RPS6KC1: variants seen among roughly 807,000 people sequenced by gnomAD.
The protein encoded by RPS6KC1 is inactive ribosomal protein S6 kinase delta-1.
A neutral mutation model predicts 103.8 loss-of-function variants in RPS6KC1; 54 were observed. The observed-to-expected ratio is 0.52, with a 90% CI of 0.42 to 0.65. The LOEUF (loss-of-function observed/expected upper bound fraction) is 0.65. Among genes scored for constraint, RPS6KC1 ranks in the 30% least tolerant of loss-of-function variants. RPS6KC1 has a pLI of 0.00. For missense variants in RPS6KC1, 1,151 were observed against 1,253.8 expected (o/e 0.92, Z 1.24); for synonymous variants, 439 against 438.7 (o/e 1.00, Z -0.01).
At chr1:213,404,083 C>T in the RPS6KC1 span, among the ~76,000 whole-genome samples, 1 of 152,158 alleles carries the variant, frequency 6.6e-6, no homozygotes. Flanking sequence ...CTGGGATGAT[C>T]TCAGCTGGAG....
At chr1:213,327,324 T>TAA in the RPS6KC1 span, among the ~76,000 whole-genome samples, 86 of 151,686 alleles carry the variant, frequency 5.7e-4, no homozygotes, top group Admixed American at 1.6e-3. Context: ...CTTAATCCGT[T>TAA]AAAAAAAAGC....
At chr1:213,180,850 A>G (rs564196466) in intron 8 of RPS6KC1, among the ~76,000 whole-genome samples, 2 of 152,280 alleles carry the variant, frequency 1.3e-5, no homozygotes, top group South Asian at 4.1e-4. Flanking sequence ...AAGAGTCTAG[A>G]TTGGTAGTTT....
chr1:213,164,823 C>A (rs977181922), intron 6 of RPS6KC1, among the ~76,000 whole-genome samples: 1 of 152,186 alleles, frequency 6.6e-6, no homozygotes, highest in Admixed American at 6.5e-5. Flanking sequence ...CTCACCTTGG[C>A]CTCCCAAAGT....
At chr1:213,742,695 G>T in the RPS6KC1 span, among the ~76,000 whole-genome samples, 4 of 152,256 alleles carry the variant, frequency 2.6e-5, no homozygotes, top group Admixed American at 6.5e-5. Context: ...TCTTGCCCAT[G>T]AAGTGAACTC....
At chr1:213,726,390 A>G in the RPS6KC1 span, among the ~76,000 whole-genome samples, 3 of 152,180 alleles carry the variant, frequency 2.0e-5, no homozygotes, top group Non-Finnish European at 4.4e-5. Context: ...TTTTAAATAT[A>G]ATTTTCAAAA....
the RPS6KC1 span, among the ~76,000 whole-genome samples, chr1:213,858,389 T>C: frequency 6.6e-6 from 1 of 152,074 alleles, no homozygotes; most frequent in Admixed American, 6.5e-5. Flanking sequence ...CTAAGGACCA[T>C]GATGTGTTTT....
At chr1:213,114,085 A>G (rs1572612746) in intron 4 of RPS6KC1, among the ~76,000 whole-genome samples, 1 of 151,970 alleles carries the variant, frequency 6.6e-6, no homozygotes, top group Middle Eastern at 3.4e-3. Flanking sequence ...AGTTTTTTCC[A>G]ATTCTGTGAA....
At chr1:213,609,390 C>T in the RPS6KC1 span, among the ~76,000 whole-genome samples, 2 of 152,274 alleles carry the variant, frequency 1.3e-5, no homozygotes, top group South Asian at 2.1e-4. Context: ...TCTTTGTCCT[C>T]ACGCCCACCA....
the RPS6KC1 span, among the ~76,000 whole-genome samples, chr1:213,569,767 G>A: frequency 6.6e-5 from 10 of 152,134 alleles, no homozygotes; most frequent in South Asian, 8.3e-4. Flanking sequence ...TACCTGAATA[G>A]CATTCAGCCA....
the RPS6KC1 span, among the ~76,000 whole-genome samples, chr1:213,831,595 G>A: frequency 2.0e-5 from 3 of 152,188 alleles, no homozygotes; most frequent in Non-Finnish European, 4.4e-5. Flanking sequence ...ATAGCAGGAG[G>A]AAACTAATAT....
chr1:213,407,439 G>T, the RPS6KC1 span, among the ~76,000 whole-genome samples: 3 of 152,156 alleles, frequency 2.0e-5, no homozygotes, highest in Non-Finnish European at 4.4e-5. Flanking sequence ...AGAGTGAGCG[G>T]AAATCATCCC....
At chr1:213,209,914 C>G (rs1276302253) in intron 8 of RPS6KC1, among the ~76,000 whole-genome samples, 1 of 152,034 alleles carries the variant, frequency 6.6e-6, no homozygotes, top group Non-Finnish European at 1.5e-5. Flanking sequence ...AACCTACAGG[C>G]ATTGCCATGG....
chr1:213,111,593 C>G (rs1458796463), intron 4 of RPS6KC1, among the ~76,000 whole-genome samples: 1 of 152,094 alleles, frequency 6.6e-6, no homozygotes, highest in Non-Finnish European at 1.5e-5. Context: ...ACAAGAAGAT[C>G]TTATGTCAAC....
the RPS6KC1 span, among the ~76,000 whole-genome samples, chr1:213,510,825 A>G: frequency 3.3e-5 from 5 of 152,090 alleles, no homozygotes; most frequent in Non-Finnish European, 2.9e-5. Flanking sequence ...ATAAGCCCTT[A>G]TTTGTGTGGG....
At chr1:213,227,932 T>C (rs2093997455) in intron 8 of RPS6KC1, among the ~76,000 whole-genome samples, 1 of 152,186 alleles carries the variant, frequency 6.6e-6, no homozygotes, top group Non-Finnish European at 1.5e-5. Context: ...TGTACCTTAA[T>C]TACATCTGAA....
chr1:213,408,254 G>A, the RPS6KC1 span, among the ~76,000 whole-genome samples: 2 of 152,202 alleles, frequency 1.3e-5, no homozygotes, highest in African/African-American at 4.8e-5. Context: ...TGGTGCTCTT[G>A]TGTAGCTTAC....
chr1:213,775,597 G>T, the RPS6KC1 span, among the ~76,000 whole-genome samples: 1 of 152,128 alleles, frequency 6.6e-6, no homozygotes, highest in Non-Finnish European at 1.5e-5. Flanking sequence ...GATCATTTGA[G>T]CCTTCAGCAC....
the RPS6KC1 span, among the ~76,000 whole-genome samples, chr1:213,564,591 T>C: frequency 2.0e-5 from 3 of 152,230 alleles, no homozygotes; most frequent in Non-Finnish European, 4.4e-5. Flanking sequence ...TGTAGCTCAG[T>C]AGTGGTCAGT....
At chr1:213,614,108 C>T in the RPS6KC1 span, among the ~76,000 whole-genome samples, 1 of 152,234 alleles carries the variant, frequency 6.6e-6, no homozygotes, top group African/African-American at 2.4e-5. Context: ...TGACTGAGTA[C>T]AGCTGCTTTA....
Sources: gnomAD v4.1 joint callset for allele counts (sites outside exome capture counted in the v4.1 genomes callset) on GRCh38, gnomAD v4.1.1 for gene constraint, MANE v1.5 for transcripts, NCBI Gene and HGNC (gene_info 2026-07-23, HGNC 2026-07-21) for gene names.